FANK1: variants seen among roughly 807,000 people sequenced by gnomAD.
The protein encoded by FANK1 is fibronectin type III and ankyrin repeat domains 1.
A neutral mutation model predicts 45.3 loss-of-function variants in FANK1; 44 were observed. The observed-to-expected ratio is 0.97, with a 90% CI of 0.76 to 1.25. The LOEUF (loss-of-function observed/expected upper bound fraction) is 1.25, where lower values mean the gene tolerates loss of function less well. Among genes scored for constraint, FANK1 ranks in the 50% most tolerant of loss-of-function variants. The pLI, the probability that FANK1 is intolerant of heterozygous loss-of-function variation, is 0.00. For missense variants in FANK1, 391 were observed against 424.4 expected (o/e 0.92, Z 0.69); for synonymous variants, 149 against 152.5 (o/e 0.98, Z 0.17).
chr10:125,910,624 C>T (rs1482874332), intron 1 of FANK1, among the ~76,000 whole-genome samples: 1 of 152,148 alleles, frequency 6.6e-6, no homozygotes, highest in Non-Finnish European at 1.5e-5. Flanking sequence ...TACATTTTCT[C>T]GTATTTTAAA....
intron 6 of FANK1, among the ~76,000 whole-genome samples, chr10:125,998,023 A>C (rs1484401461): frequency 6.6e-6 from 1 of 152,260 alleles, no homozygotes; most frequent in Non-Finnish European, 1.5e-5. Flanking sequence ...CGTGACACAC[A>C]TAAAGGACAG....
intron 6 of FANK1, among the ~76,000 whole-genome samples, chr10:126,003,634 G>A (rs1406176360): frequency 6.6e-6 from 1 of 151,882 alleles, no homozygotes; most frequent in Non-Finnish European, 1.5e-5. Flanking sequence ...ATAATTCATT[G>A]CCATGTGAAT....
At chr10:125,996,481 G>C in intron 4 of FANK1, 69 bp from the exon 5 acceptor site, 3 of 1,469,068 alleles carry the variant, frequency 2.0e-6, no homozygotes, top group Non-Finnish European at 2.8e-6. Flanking sequence ...AGCCCTGTGA[G>C]AACCACCGGC....
intron 1 of FANK1, among the ~76,000 whole-genome samples, chr10:125,959,277 T>C (rs1949769581): frequency 6.6e-6 from 1 of 151,844 alleles, no homozygotes; most frequent in Non-Finnish European, 1.5e-5. Flanking sequence ...CGTTGTGGCA[T>C]GTACCTGTAA....
At chr10:125,905,224 CTG>C (rs1342837028) in intron 1 of FANK1, among the ~76,000 whole-genome samples, 13 of 152,410 alleles carry the variant, frequency 8.5e-5, no homozygotes, top group South Asian at 6.2e-4. Flanking sequence ...TGGAACGTGA[CTG>C]TGAATAGCCA....
At chr10:125,959,475 A>G (rs938061170) in intron 1 of FANK1, among the ~76,000 whole-genome samples, 1 of 151,986 alleles carries the variant, frequency 6.6e-6, no homozygotes. Context: ...AACTACAAGC[A>G]GAAAAACTTA....
intron 6 of FANK1, among the ~76,000 whole-genome samples, chr10:125,999,223 G>A (rs568506210): frequency 4.1e-4 from 57 of 140,002 alleles, no homozygotes; most frequent in Non-Finnish European, 7.5e-4. Flanking sequence ...TTTTTGAGAC[G>A]GAATCTCACT....
At chr10:126,008,889 C>T (rs11244766) in intron 8 of FANK1, among the ~76,000 whole-genome samples, 165 bp from the exon 9 acceptor site, 32,519 of 152,156 alleles carry the variant, frequency 0.21, 4,304 homozygotes, top group East Asian at 0.31. Flanking sequence ...TGCTACCATA[C>T]AGCTGCAGAG....
intron 1 of FANK1, among the ~76,000 whole-genome samples, chr10:125,903,520 T>G (rs2134103674): frequency 6.6e-6 from 1 of 152,354 alleles, no homozygotes; most frequent in Admixed American, 6.5e-5. Flanking sequence ...CACCCCTGCC[T>G]CCTCCCTCCA....
At chr10:126,004,814 A>T in intron 6 of FANK1, 70 bp from the exon 7 acceptor site, 2 of 1,526,346 alleles carry the variant, frequency 1.3e-6, no homozygotes, top group Admixed American at 1.7e-5. Context: ...TAAGCCAGGT[A>T]GGGTAAAAGG....
At chr10:125,905,282 TA>T (rs66941744) in intron 1 of FANK1, among the ~76,000 whole-genome samples, 17,036 of 134,316 alleles carry the variant, frequency 0.13, no homozygotes, top group African/African-American at 0.16. Context: ...TCACTAAGAT[TA>T]AAAAAAAAAA....
intron 3 of FANK1, among the ~76,000 whole-genome samples, chr10:125,993,742 A>G (rs911201026): frequency 2.0e-5 from 3 of 152,204 alleles, no homozygotes; most frequent in Admixed American, 1.3e-4. Context: ...TTTATTTGAC[A>G]CTTTTGATCT....
intron 1 of FANK1, among the ~76,000 whole-genome samples, chr10:125,951,752 T>A (rs1300536642): frequency 6.6e-6 from 1 of 152,182 alleles, no homozygotes; most frequent in African/African-American, 2.4e-5. Context: ...TTCAATTTCC[T>A]TTTTTGGTTT....
chr10:126,009,089 G>A lies in FANK1; in HGVS notation c.885G>A (p.Gln295=), dbSNP rs1448536936. 6.8e-6 allele frequency: 11 copies of A among 1,614,098 alleles called. No homozygotes were observed. Among genetic ancestry groups the A allele is most frequent in the South Asian group, 1.1e-5 (1 of 91,088 alleles). The change falls in exon 9 of 11, where the codon CAG becomes CAA. Residue 295 remains glutamine, a synonymous_variant. Coordinates refer to ENST00000368693, the MANE Select transcript of FANK1 (RefSeq NM_145235.5). ...TAAATAATCATGAAGAGTTAGTTCA[G>A]TTACTTCTTGACAAAGGGGCAGATG... ...AVLNNHEELV[Q]LLLDKGADAS...
chr10:125,916,935 A>G (rs1349586111), intron 1 of FANK1, among the ~76,000 whole-genome samples: 1 of 152,212 alleles, frequency 6.6e-6, no homozygotes, highest in Non-Finnish European at 1.5e-5. Context: ...CTCTGAAGAT[A>G]ACGCTGAATC....
At chr10:125,914,335 C>T (rs1215202234) in intron 1 of FANK1, among the ~76,000 whole-genome samples, 1 of 147,694 alleles carries the variant, frequency 6.8e-6, no homozygotes, top group East Asian at 2.0e-4. Flanking sequence ...GTTTCTACAC[C>T]CCAGCCTCAG....
chr10:125,943,608 GT>G (rs1185787387), intron 1 of FANK1, among the ~76,000 whole-genome samples: 3 of 152,128 alleles, frequency 2.0e-5, no homozygotes, highest in Non-Finnish European at 4.4e-5. Flanking sequence ...TTTGTGCAAT[GT>G]TTATTAAATT....
At chr10:125,997,815 C>T (rs1023196264) in intron 6 of FANK1, among the ~76,000 whole-genome samples, 3 of 152,236 alleles carry the variant, frequency 2.0e-5, no homozygotes, top group Non-Finnish European at 2.9e-5. Context: ...TGGGTGCAAG[C>T]GCCTGCCCCT....
chr10:125,957,895 CT>C (rs1029516371), intron 1 of FANK1, among the ~76,000 whole-genome samples: 18 of 151,118 alleles, frequency 1.2e-4, no homozygotes, highest in African/African-American at 3.4e-4. Context: ...CTTCTGAGTA[CT>C]TTTTTTTTAA....
Sources: allele counts gnomAD v4.1 joint callset (sites outside exome capture counted in the v4.1 genomes callset), GRCh38; gene constraint gnomAD v4.1.1; transcripts MANE v1.5; gene names NCBI Gene and HGNC (gene_info 2026-07-23, HGNC 2026-07-21).